Variants in SPDYA observed in about 807,000 individuals in gnomAD.
SPDYA encodes speedy protein A.
Under a neutral mutation model 36.7 loss-of-function variants are expected in SPDYA, and 11 were observed. The ratio of observed to expected loss-of-function variants is 0.30; its 90% CI spans 0.19 to 0.50. SPDYA has a LOEUF of 0.50. Among genes scored for constraint, SPDYA ranks in the 20% least tolerant of loss-of-function variants. The pLI is 0.98. For missense variants in SPDYA, 287 were observed against 370.9 expected (o/e 0.77, Z 1.86); for synonymous variants, 115 against 118.7 (o/e 0.97, Z 0.20).
At chr2:28,817,062 A>G (rs760890240) in intron 3 of SPDYA, among the ~76,000 whole-genome samples, 1 of 152,188 alleles carries the variant, frequency 6.6e-6, no homozygotes, top group Non-Finnish European at 1.5e-5. Context: ...CAAAATGAAA[A>G]GATGAAACAG....
intron 1 of SPDYA, among the ~76,000 whole-genome samples, chr2:28,814,267 T>C (rs1667928813): frequency 6.6e-6 from 1 of 152,238 alleles, no homozygotes; most frequent in African/African-American, 2.4e-5. Context: ...AAAATAGGAC[T>C]GCATTTCACT....
At chr2:28,829,348 T>C (rs763751599) in intron 6 of SPDYA, 29 bp downstream of exon 6, 1 of 1,576,010 alleles carries the variant, frequency 6.3e-7, no homozygotes, top group Non-Finnish European at 8.6e-7. Context: ...TTTATATATG[T>C]AATCTTTGTT....
intron 6 of SPDYA, among the ~76,000 whole-genome samples, chr2:28,835,062 G>GT (rs1668560969): frequency 1.3e-5 from 2 of 151,796 alleles, no homozygotes; most frequent in Non-Finnish European, 2.9e-5. Flanking sequence ...TGTTTGTTTT[G>GT]TTTTGTTTTT....
chr2:28,838,040 A>G (rs544332184), intron 6 of SPDYA, among the ~76,000 whole-genome samples: 6 of 152,260 alleles, frequency 3.9e-5, no homozygotes, highest in Non-Finnish European at 8.8e-5. Flanking sequence ...TAGTACATCA[A>G]CTGCTACTAG....
At chr2:28,826,278 A>G (rs1020864385) in intron 5 of SPDYA, among the ~76,000 whole-genome samples, 3 of 152,128 alleles carry the variant, frequency 2.0e-5, no homozygotes, top group African/African-American at 7.2e-5. Context: ...CTGGGACTAC[A>G]GGCACAGACC....
At chr2:28,812,857 CAAAAAAAAAAA>C (rs70956047) in intron 1 of SPDYA, among the ~76,000 whole-genome samples, 2 of 84,048 alleles carry the variant, frequency 2.4e-5, no homozygotes, top group Admixed American at 3.0e-4. Flanking sequence ...AACTCCGTCT[CAAAAAAAAAAA>C]AAAAAAAAAA....
chr2:28,825,460 C>G (rs1668293228), intron 5 of SPDYA, among the ~76,000 whole-genome samples: 1 of 152,128 alleles, frequency 6.6e-6, no homozygotes, highest in South Asian at 2.1e-4. Context: ...CATTTTAAGA[C>G]TAATCATACT....
At chr2:28,848,651 T>A (rs1010583307) in intron 7 of SPDYA, among the ~76,000 whole-genome samples, 1 of 152,202 alleles carries the variant, frequency 6.6e-6, no homozygotes, top group Non-Finnish European at 1.5e-5. Flanking sequence ...TGTTATTTAA[T>A]AAAAAATTTA....
chr2:28,815,511 G>A (rs1050893782), intron 2 of SPDYA, among the ~76,000 whole-genome samples: 3 of 151,926 alleles, frequency 2.0e-5, no homozygotes, highest in Non-Finnish European at 4.4e-5. Flanking sequence ...AGAGATATGG[G>A]GTTTTGTGGG....
intron 1 of SPDYA, among the ~76,000 whole-genome samples, chr2:28,813,696 C>T (rs1400139542): frequency 6.6e-6 from 1 of 151,906 alleles, no homozygotes; most frequent in African/African-American, 2.4e-5. Flanking sequence ...GGACTACAGG[C>T]GCCTGCCACC....
At chr2:28,844,107 T>C (rs931329517) in intron 7 of SPDYA, among the ~76,000 whole-genome samples, 31 of 152,348 alleles carry the variant, frequency 2.0e-4, no homozygotes, top group African/African-American at 7.2e-4. Flanking sequence ...ATTTTTGTCA[T>C]TACCACTGTT....
At chr2:28,840,776 A>G in intron 7 of SPDYA, 15 of 1,049,672 alleles carry the variant, frequency 1.4e-5, no homozygotes, top group Non-Finnish European at 1.7e-5. Context: ...GGTTTCAAGA[A>G]GAAAATAAAT....
rs367762125 is a variant in SPDYA, at chr2:28,838,543, C to T, written c.553-1629C>T. On this transcript the variant is annotated intron_variant, in intron 6 of 7. Transcript: ENST00000334056. ...CCCTGGTAGTTTTATTTTTAATTCA[C>T]TTATCACAGTAAAATTCTAATTATA... Among the ~76,000 whole-genome samples the T allele has an allele frequency of 9.2e-5, 14 of 152,128 alleles. No individual in the cohort carries two copies. The East Asian group carries it at 2.5e-3, about 27-fold the overall frequency.
At chr2:28,812,677 C>G (rs375932246) in intron 1 of SPDYA, among the ~76,000 whole-genome samples, 1 of 151,554 alleles carries the variant, frequency 6.6e-6, no homozygotes, top group East Asian at 1.9e-4. Context: ...GCCAACATGG[C>G]GAAACCCCAT....
At chr2:28,841,971 A>T (rs537512746) in intron 7 of SPDYA, 22 of 152,336 alleles carry the variant, frequency 1.4e-4, no homozygotes, top group Non-Finnish European at 3.1e-4. Flanking sequence ...AAGGCAATAT[A>T]TAATGCATTT....
At chr2:28,840,765 G>A (rs1197476536) in intron 7 of SPDYA, 1 of 1,069,004 alleles carries the variant, frequency 9.4e-7, no homozygotes, top group Non-Finnish European at 1.1e-6. Context: ...TTATTCAAAA[G>A]GGTTTCAAGA....
chr2:28,825,841 G>C (rs1668302397), intron 5 of SPDYA, among the ~76,000 whole-genome samples: 1 of 150,958 alleles, frequency 6.6e-6, no homozygotes, highest in Non-Finnish European at 1.5e-5. Flanking sequence ...GGGTTAAAGT[G>C]ATCTTCTTGC....
In SPDYA at chr2:28,840,348, TTCA is replaced by T. The variant is rs757444947; in HGVS notation, c.738_740del (p.Ser247del). 3 of 1,611,020 alleles carry T rather than the reference TTCA, an allele frequency of 1.9e-6. No homozygotes were observed. The South Asian group carries it at 3.3e-5, about 18-fold the overall frequency. On this transcript the variant is annotated inframe_deletion, in exon 7 of 8. Coordinates refer to ENST00000334056, the MANE Select transcript of SPDYA (RefSeq NM_182756.4). ...GAAGATATGTTAGACTGGGATTGTCTTCATCATCATCTTTATCCAGTCATACAG... is the reference window on the plus strand; with the variant it reads ...GAAGATATGTTAGACTGGGATTGTCTTCATCATCTTTATCCAGTCATACAG...
At chr2:28,846,037 C>A (rs1275823329) in intron 7 of SPDYA, among the ~76,000 whole-genome samples, 1 of 152,154 alleles carries the variant, frequency 6.6e-6, no homozygotes, top group Non-Finnish European at 1.5e-5. Flanking sequence ...ATGAAAGCCT[C>A]CCACAATCGC....
Sources: allele counts gnomAD v4.1 joint callset (sites outside exome capture counted in the v4.1 genomes callset), GRCh38; gene constraint gnomAD v4.1.1; transcripts MANE v1.5; gene names NCBI Gene and HGNC (gene_info 2026-07-23, HGNC 2026-07-21).